PKD1L3: variants seen among roughly 807,000 people sequenced by gnomAD.
The protein encoded by PKD1L3 is polycystin 1 like 3, transient receptor potential channel interacting, also known as polycystin-1-like protein 3.
Under a neutral mutation model 184.1 loss-of-function variants are expected in PKD1L3, and 239 were observed. The ratio of observed to expected loss-of-function variants is 1.30; its 90% CI spans 1.17 to 1.45. The LOEUF (loss-of-function observed/expected upper bound fraction) is 1.45, where lower values mean the gene tolerates loss of function less well. Among genes scored for constraint, PKD1L3 ranks in the 40% most tolerant of loss-of-function variants. The pLI is 0.00. For missense variants in PKD1L3, 2,660 were observed against 2,067.2 expected (o/e 1.29, Z -5.56); for synonymous variants, 996 against 778.8 (o/e 1.28, Z -4.64).
At chr16:71,968,069 TC>T (rs1375462525) in intron 13 of PKD1L3, 62 bp from the exon 14 acceptor site, 3 of 1,350,882 alleles carry the variant, frequency 2.2e-6, no homozygotes, top group African/African-American at 2.9e-5. Flanking sequence ...TCCTGCCTCC[TC>T]CAGCTGAGGA....
chr16:71,945,391 T>C (rs887748523), intron 22 of PKD1L3, among the ~76,000 whole-genome samples: 47 of 58,268 alleles, frequency 8.1e-4, no homozygotes, highest in East Asian at 5.9e-3. Context: ...CACATATATA[T>C]ATATATATTT....
At chr16:71,945,811 G>C (rs2038582125) in intron 22 of PKD1L3, among the ~76,000 whole-genome samples, 1 of 152,208 alleles carries the variant, frequency 6.6e-6, no homozygotes, top group Admixed American at 6.5e-5. Flanking sequence ...AGGCGCCACA[G>C]AGGAAGTGAC....
chr16:71,971,133 C>A (rs554420855), intron 12 of PKD1L3, among the ~76,000 whole-genome samples: 2 of 152,054 alleles, frequency 1.3e-5, no homozygotes, highest in African/African-American at 2.4e-5. Flanking sequence ...CAGTAGTTAC[C>A]CTTTGGTGGA....
At chr16:71,935,560 TTAGC>T in intron 25 of PKD1L3, 42 bp from the exon 26 acceptor site, 4 of 1,531,362 alleles carry the variant, frequency 2.6e-6, no homozygotes, top group Non-Finnish European at 3.5e-6. Flanking sequence ...GTCTGAGAGA[TTAGC>T]TAGGTCTCTC....
chr16:71,955,495 T>A (rs2039010434), intron 16 of PKD1L3, among the ~76,000 whole-genome samples: 1 of 152,008 alleles, frequency 6.6e-6, no homozygotes, highest in South Asian at 2.1e-4. Flanking sequence ...ATCATTTAGT[T>A]TTTTGTTTTT....
chr16:71,988,160 A>T (rs1335237757), intron 4 of PKD1L3, among the ~76,000 whole-genome samples: 2 of 152,168 alleles, frequency 1.3e-5, no homozygotes, highest in African/African-American at 4.8e-5. Context: ...CAGTAGAAGC[A>T]GATCAGTAGG....
intron 4 of PKD1L3, 119 bp from the exon 5 acceptor site, chr16:71,986,588 T>C (rs973922008): frequency 2.8e-5 from 33 of 1,177,962 alleles, no homozygotes; most frequent in Non-Finnish European, 3.8e-5. Flanking sequence ...TAGGCATTTC[T>C]GTTAAAAAAA....
intron 22 of PKD1L3, among the ~76,000 whole-genome samples, chr16:71,945,577 C>G (rs2038571909): frequency 6.6e-6 from 1 of 151,564 alleles, no homozygotes; most frequent in Non-Finnish European, 1.5e-5. Context: ...ACTCGGGAGG[C>G]TGACACAGGA....
At position 71,967,203 on chromosome 16, in the gene PKD1L3, C is replaced by T; in HGVS notation, c.2399G>A (p.Trp800Ter). 1 of 1,551,694 alleles carries T rather than the reference C, an allele frequency of 6.4e-7. No homozygotes were observed. Among genetic ancestry groups the T allele is most frequent in the Non-Finnish European group, 8.7e-7 (1 of 1,146,978 alleles). ...GCTGTGCAGGTTCCCTAGAGAGGTC[C>T]AAGTGGTGAGAAGGAAGACATCCAG... ...GGLDVFLLTTWTSLGNLHSLR... is the reference protein window; with the variant it reads ...GGLDVFLLTT Residue 800 changes from tryptophan to a stop codon, truncating the protein, a stop_gained, in exon 15 of 30, where the codon TGG becomes TAG. Transcript: ENST00000620267. LOFTEE classifies it high-confidence loss of function.
chr16:71,991,379 A>G (rs1453841781), intron 3 of PKD1L3: 2 of 177,418 alleles, frequency 1.1e-5, no homozygotes, highest in African/African-American at 4.8e-5. Flanking sequence ...AATCCTAAGG[A>G]TAACCACTTG....
chr16:71,959,732 A>G (rs1364335325), intron 16 of PKD1L3, among the ~76,000 whole-genome samples: 2 of 152,130 alleles, frequency 1.3e-5, no homozygotes, highest in Non-Finnish European at 2.9e-5. Flanking sequence ...GAATTAGAAG[A>G]GGAAGAAGAG....
At chr16:71,967,863 G>T in intron 14 of PKD1L3, 43 bp downstream of exon 14, 1 of 1,452,080 alleles carries the variant, frequency 6.9e-7, no homozygotes, top group Non-Finnish European at 9.4e-7. Context: ...GTCTCATGTG[G>T]CAGAAGACAC....
chr16:71,975,372 G>A (rs1416741775), intron 11 of PKD1L3, among the ~76,000 whole-genome samples: 2 of 151,836 alleles, frequency 1.3e-5, no homozygotes, highest in Admixed American at 6.6e-5. Context: ...ATTTTTAACT[G>A]TAATGTTATG....
intron 12 of PKD1L3, 89 bp from the exon 13 acceptor site, chr16:71,970,194 G>C (rs2039659798): frequency 2.0e-6 from 2 of 1,021,904 alleles, no homozygotes; most frequent in Admixed American, 2.3e-5. Flanking sequence ...TTTAGAGATG[G>C]AAAGAGGTAT....
intron 18 of PKD1L3, 105 bp from the exon 19 acceptor site, chr16:71,951,849 G>T: frequency 9.5e-7 from 1 of 1,048,122 alleles, no homozygotes; most frequent in African/African-American, 1.6e-5. Context: ...AAGGGGATAT[G>T]CTTAGCACAA....
chr16:71,983,943 G>C (rs542483667), intron 6 of PKD1L3, 93 bp downstream of exon 6: 5 of 1,471,396 alleles, frequency 3.4e-6, no homozygotes, highest in Non-Finnish European at 4.6e-6. Flanking sequence ...GATTACAGGC[G>C]TGAGCCACCG....
At chr16:71,962,314 G>A (rs2039312056) in intron 16 of PKD1L3, among the ~76,000 whole-genome samples, 1 of 152,196 alleles carries the variant, frequency 6.6e-6, no homozygotes, top group African/African-American at 2.4e-5. Context: ...CTGAAGGTAA[G>A]AAGGAGGTCA....
intron 13 of PKD1L3, 46 bp downstream of exon 13, chr16:71,969,829 T>C: frequency 6.8e-7 from 1 of 1,474,550 alleles, no homozygotes; most frequent in Non-Finnish European, 9.1e-7. Context: ...CTTATTTAAT[T>C]ACTCAAAACA....
intron 28 of PKD1L3, 116 bp from the exon 29 acceptor site, chr16:71,930,299 C>T (rs1597267051): frequency 9.4e-7 from 1 of 1,068,038 alleles, no homozygotes; most frequent in East Asian, 2.8e-5. Flanking sequence ...CCGAAGGAAA[C>T]TTAGGGAGAG....
Sources: allele counts gnomAD v4.1 joint callset (sites outside exome capture counted in the v4.1 genomes callset), GRCh38; gene constraint gnomAD v4.1.1; transcripts MANE v1.5; gene names NCBI Gene and HGNC (gene_info 2026-07-23, HGNC 2026-07-21).